NALCN: variants seen among roughly 807,000 people sequenced by gnomAD.
NALCN encodes the protein sodium leak channel, non-selective.
A neutral mutation model predicts 225.3 loss-of-function variants in NALCN; 111 were observed. The ratio of observed to expected loss-of-function variants is 0.49; its 90% confidence interval spans 0.42 to 0.58. The LOEUF (loss-of-function observed/expected upper bound fraction) is 0.58, where lower values mean the gene tolerates loss of function less well. Among genes scored for constraint, NALCN ranks in the 20% least tolerant of loss-of-function variants. The pLI, the probability that NALCN is intolerant of heterozygous loss-of-function variation, is 0.00. For missense variants in NALCN, 1,378 were observed against 2,202.4 expected, an observed-to-expected ratio of 0.63 and a Z score of 7.49; for synonymous variants, 764 against 769.0, an observed-to-expected ratio of 0.99 and a Z score of 0.11.
chr13:101,291,312 C>T (rs2043543453), intron 9 of NALCN, among the ~76,000 whole-genome samples: 1 of 152,128 alleles, frequency 6.6e-6, no homozygotes. Context: ...CTTGCAAGTA[C>T]ATGAATAAAT....
At chr13:101,256,439 T>G (rs1197309250) in intron 11 of NALCN, among the ~76,000 whole-genome samples, 1 of 152,224 alleles carries the variant, frequency 6.6e-6, no homozygotes, top group Non-Finnish European at 1.5e-5. Flanking sequence ...TGGATTGATT[T>G]AAATGTTGCT....
chr13:101,397,066 T>TTA (rs368771604), intron 2 of NALCN, among the ~76,000 whole-genome samples: 3,926 of 55,310 alleles, frequency 0.071, 170 homozygotes, highest in Non-Finnish European at 0.096. Context: ...TATGAATGTA[T>TTA]TATATATATA....
intron 13 of NALCN, among the ~76,000 whole-genome samples, chr13:101,204,563 AT>A (rs2040243378): frequency 6.6e-6 from 1 of 152,200 alleles, no homozygotes; most frequent in Admixed American, 6.5e-5. Context: ...ACATCAGAAC[AT>A]TATGCCTATT....
chr13:101,327,307 T>G (rs1316601961), intron 7 of NALCN, among the ~76,000 whole-genome samples: 1 of 152,216 alleles, frequency 6.6e-6, no homozygotes, highest in Non-Finnish European at 1.5e-5. Context: ...TTTATTGTAT[T>G]TTTATTAGTT....
chr13:101,139,187 T>C (rs575025171), intron 17 of NALCN, among the ~76,000 whole-genome samples: 2 of 152,326 alleles, frequency 1.3e-5, no homozygotes, highest in African/African-American at 2.4e-5. Context: ...TTTAAAAACA[T>C]GGTTTCTGCA....
At chr13:101,280,285 T>C (rs1008654096) in intron 10 of NALCN, among the ~76,000 whole-genome samples, 1 of 152,142 alleles carries the variant, frequency 6.6e-6, no homozygotes, top group Non-Finnish European at 1.5e-5. Context: ...TTCCCCCCAG[T>C]TTCTAAGCAT....
chr13:101,342,387 C>T (rs1231689691), intron 7 of NALCN, among the ~76,000 whole-genome samples: 1 of 152,160 alleles, frequency 6.6e-6, no homozygotes, highest in Admixed American at 6.5e-5. Context: ...CTAGCCAACC[C>T]AGATCAGCAG....
chr13:101,224,188 C>A (rs1026147772), intron 13 of NALCN, among the ~76,000 whole-genome samples: 1 of 152,166 alleles, frequency 6.6e-6, no homozygotes, highest in African/African-American at 2.4e-5. Flanking sequence ...CTTCCCTTCG[C>A]CTCACCTAAA....
At chr13:101,238,261 A>AT (rs943932967) in intron 11 of NALCN, among the ~76,000 whole-genome samples, 2 of 151,982 alleles carry the variant, frequency 1.3e-5, no homozygotes, top group African/African-American at 4.8e-5. Flanking sequence ...TGTATGTTGT[A>AT]TTTTTTAAGA....
At chr13:101,278,238 G>A (rs1428831244) in intron 10 of NALCN, among the ~76,000 whole-genome samples, 2 of 151,902 alleles carry the variant, frequency 1.3e-5, no homozygotes, top group African/African-American at 4.8e-5. Context: ...AATTAGTTTG[G>A]GTTCAGCTGG....
At chr13:101,321,125 T>C (rs1171455097) in intron 7 of NALCN, among the ~76,000 whole-genome samples, 1 of 152,218 alleles carries the variant, frequency 6.6e-6, no homozygotes, top group Non-Finnish European at 1.5e-5. Flanking sequence ...ACATGGCTTC[T>C]GTTTAGAATC....
chr13:101,187,530 A>C (rs1003319112), intron 14 of NALCN, among the ~76,000 whole-genome samples: 2 of 152,224 alleles, frequency 1.3e-5, no homozygotes, highest in Non-Finnish European at 2.9e-5. Flanking sequence ...TATCCAACAA[A>C]TATCCAATAA....
chr13:101,147,506 C>G (rs2037411519), intron 15 of NALCN, among the ~76,000 whole-genome samples: 2 of 152,010 alleles, frequency 1.3e-5, no homozygotes, highest in South Asian at 4.1e-4. Context: ...CCACACCTGG[C>G]TACCCACTGC....
chr13:101,411,538 C>T (rs892149355), intron 1 of NALCN, among the ~76,000 whole-genome samples: 3 of 149,450 alleles, frequency 2.0e-5, no homozygotes, highest in African/African-American at 7.7e-5. Context: ...TTAGCAGGGA[C>T]GGGGTTTCAC....
rs1269008796 is a variant in NALCN, at chr13:101,284,020, C to A, written c.1048-1G>T. ...CTCCAGCAGCATCTTCATGAAACAT[C>A]TTCAAGACAAAGAAGGGAGATGAGT... On this transcript the variant is annotated splice_acceptor_variant, in intron 9 of 43. Transcript: ENST00000251127. LOFTEE classifies it high-confidence loss of function. The A allele has an allele frequency of 6.2e-7, 1 of 1,612,752 alleles. No homozygotes were observed. Among genetic ancestry groups the A allele is most frequent in the Non-Finnish European group, 8.5e-7 (1 of 1,179,464 alleles).
At chr13:101,182,259 C>A (rs2039269981) in intron 14 of NALCN, among the ~76,000 whole-genome samples, 1 of 151,928 alleles carries the variant, frequency 6.6e-6, no homozygotes, top group Non-Finnish European at 1.5e-5. Flanking sequence ...ACAGAGAGAG[C>A]CACGGCATGC....
chr13:101,228,737 A>G (rs1379016338), intron 13 of NALCN, among the ~76,000 whole-genome samples: 1 of 152,196 alleles, frequency 6.6e-6, no homozygotes, highest in African/African-American at 2.4e-5. Flanking sequence ...ACACCATATA[A>G]TAGGCCTTAC....
At chr13:101,193,418 A>G (rs1324339524) in intron 13 of NALCN, among the ~76,000 whole-genome samples, 1 of 152,210 alleles carries the variant, frequency 6.6e-6, no homozygotes, top group African/African-American at 2.4e-5. Flanking sequence ...GGCCCAGAAC[A>G]CAGTGGACCT....
At chr13:101,065,043 CGCAA>C (rs1170825556) in intron 40 of NALCN, among the ~76,000 whole-genome samples, 1 of 152,166 alleles carries the variant, frequency 6.6e-6, no homozygotes, top group African/African-American at 2.4e-5. Flanking sequence ...GCCCTGTAAC[CGCAA>C]GCAAGTCACT....
Sources: gnomAD v4.1 joint callset for allele counts (sites outside exome capture counted in the v4.1 genomes callset) on GRCh38, gnomAD v4.1.1 for gene constraint, MANE v1.5 for transcripts, NCBI Gene and HGNC (gene_info 2026-07-23, HGNC 2026-07-21) for gene names.